PHF21B: variants seen among roughly 807,000 people sequenced by gnomAD.
PHF21B encodes the protein PHD finger protein 21B.
In PHF21B, 22 loss-of-function variants were observed where a neutral mutation model predicts 62.2. That is an observed-to-expected ratio of 0.35 (90% CI 0.25 to 0.51). The LOEUF (loss-of-function observed/expected upper bound fraction) is 0.51. Ranked by LOEUF, PHF21B falls within the 20% of genes least tolerant of loss-of-function variation. The pLI is 0.97. For missense variants in PHF21B, 701 were observed against 707.9 expected, an observed-to-expected ratio of 0.99 and a Z score of 0.11; for synonymous variants, 341 against 314.7, an observed-to-expected ratio of 1.08 and a Z score of -0.88.
At chr22:44,919,474 G>A (rs1210761047) in intron 3 of PHF21B, among the ~76,000 whole-genome samples, 1 of 152,224 alleles carries the variant, frequency 6.6e-6, no homozygotes, top group Non-Finnish European at 1.5e-5. Context: ...CAAAAGATTG[G>A]AAGATTGGCC....
intron 2 of PHF21B, among the ~76,000 whole-genome samples, chr22:44,943,999 G>A (rs1006039395): frequency 1.3e-5 from 2 of 152,194 alleles, no homozygotes; most frequent in African/African-American, 4.8e-5. Flanking sequence ...CCTGAGGGAA[G>A]GAACAGCGCT....
intron 2 of PHF21B, among the ~76,000 whole-genome samples, chr22:45,006,140 T>C (rs1176462491): frequency 3.9e-5 from 6 of 152,190 alleles, no homozygotes; most frequent in Middle Eastern, 3.2e-3. Context: ...GGCGGCTTTA[T>C]TAGCATGCTG....
At chr22:44,965,090 C>T (rs1301686966) in intron 2 of PHF21B, among the ~76,000 whole-genome samples, 2 of 152,140 alleles carry the variant, frequency 1.3e-5, no homozygotes, top group African/African-American at 2.4e-5. Flanking sequence ...GCGTGAACAC[C>T]GCAGCCACTC....
At position 44,977,126 on chromosome 22, in the gene PHF21B, AAAAG is replaced by A. The variant is rs1178145697; in HGVS notation, c.120+31415_120+31418del. On this transcript the variant is annotated intron_variant, in intron 2 of 12. Coordinates refer to ENST00000313237, the MANE Select transcript of PHF21B (RefSeq NM_138415.5). ...CAGAATGACACCCTGTCTCAAAAAG[AAAAG>A]AAAGAAAAAAACGAAGAAAGGAAAA... Among the ~76,000 whole-genome samples the A allele has an allele frequency of 3.3e-5, 5 of 151,586 alleles. No homozygotes were observed. The East Asian group carries it at 9.6e-4, about 29-fold the overall frequency.
At chr22:45,004,354 G>A (rs2073274859) in intron 2 of PHF21B, among the ~76,000 whole-genome samples, 2 of 152,190 alleles carry the variant, frequency 1.3e-5, no homozygotes, top group South Asian at 2.1e-4. Flanking sequence ...AAGGGATGGA[G>A]GGGTCCAGGA....
Position 44,984,299 on chromosome 22 carries a change from T to C in PHF21B, c.120+24246A>G, listed in dbSNP as rs377001662. Among the ~76,000 whole-genome samples the C allele has an allele frequency of 9.7e-4, 138 of 142,500 alleles. No homozygotes were observed. In the South Asian group the frequency reaches 0.012, roughly 12 times the overall value. The allele number at this position is 142,500 out of a possible 152,430, so 93.5% of individuals were successfully genotyped here. A position where few individuals can be genotyped will look rare whatever the true frequency, so the allele number is the denominator to read the frequency against. On this transcript the variant is annotated intron_variant, in intron 2 of 12. Coordinates refer to ENST00000313237, the MANE Select transcript of PHF21B (RefSeq NM_138415.5). ...ACCACCACCACCATCATCATCATCA[T>C]CACCACCACAAAAGGGCCAGTAAGA...
At chr22:44,904,289 A>ATT (rs150128832) in intron 5 of PHF21B, among the ~76,000 whole-genome samples, 3 of 150,440 alleles carry the variant, frequency 2.0e-5, no homozygotes, top group South Asian at 4.2e-4. Flanking sequence ...ACAAAACTGG[A>ATT]TTTTTTTTTT....
At chr22:44,884,518 C>T (rs2070814982) in intron 12 of PHF21B, among the ~76,000 whole-genome samples, 1 of 150,934 alleles carries the variant, frequency 6.6e-6, no homozygotes, top group South Asian at 2.1e-4. Context: ...ACCACCATCA[C>T]TGTGATCAGC....
intron 2 of PHF21B, among the ~76,000 whole-genome samples, chr22:44,959,841 C>T (rs2072381264): frequency 6.6e-6 from 1 of 152,188 alleles, no homozygotes; most frequent in African/African-American, 2.4e-5. Flanking sequence ...CCCAGGAGTT[C>T]AGGAGATGCA....
intron 2 of PHF21B, among the ~76,000 whole-genome samples, chr22:44,975,383 A>T (rs770634826): frequency 5.3e-5 from 8 of 151,788 alleles, no homozygotes; most frequent in African/African-American, 1.5e-4. Context: ...ACAGAGCCAT[A>T]AGAGGCCCCT....
chr22:44,989,977 G>A (rs910730840), intron 2 of PHF21B, among the ~76,000 whole-genome samples: 24 of 152,318 alleles, frequency 1.6e-4, no homozygotes, highest in African/African-American at 5.5e-4. Flanking sequence ...AATTCCTTTT[G>A]AGCACAGGCA....
At chr22:44,958,877 G>A (rs2072358963) in intron 2 of PHF21B, among the ~76,000 whole-genome samples, 1 of 152,064 alleles carries the variant, frequency 6.6e-6, no homozygotes, top group Non-Finnish European at 1.5e-5. Context: ...CTGACCTCTG[G>A]TGATCTGCCC....
intron 2 of PHF21B, among the ~76,000 whole-genome samples, chr22:44,991,896 A>T (rs1037087856): frequency 2.0e-5 from 3 of 152,256 alleles, no homozygotes; most frequent in Non-Finnish European, 4.4e-5. Flanking sequence ...TTCCAAAAAC[A>T]TATTTAGTAA....
chr22:44,910,913 T>C (rs1460119652), intron 5 of PHF21B, among the ~76,000 whole-genome samples: 1 of 152,228 alleles, frequency 6.6e-6, no homozygotes, highest in Non-Finnish European at 1.5e-5. Context: ...AGTTCAGAAC[T>C]TACTAGAGAT....
intron 2 of PHF21B, among the ~76,000 whole-genome samples, chr22:44,963,055 G>A (rs1212043445): frequency 6.6e-6 from 1 of 152,238 alleles, no homozygotes; most frequent in Admixed American, 6.5e-5. Context: ...TGAGGAAGCT[G>A]AGCTCTCTGG....
chr22:44,905,402 TG>T (rs2071230438), intron 5 of PHF21B, among the ~76,000 whole-genome samples: 2 of 152,226 alleles, frequency 1.3e-5, no homozygotes, highest in Non-Finnish European at 2.9e-5. Flanking sequence ...TTTATATCCT[TG>T]GTTTTTGTGC....
At chr22:44,957,940 T>C (rs2072334733) in intron 2 of PHF21B, among the ~76,000 whole-genome samples, 1 of 151,796 alleles carries the variant, frequency 6.6e-6, no homozygotes, top group Non-Finnish European at 1.5e-5. Context: ...TTCGCTCTTG[T>C]TGCCCAGGCT....
chr22:44,993,582 T>A (rs1385554629), intron 2 of PHF21B, among the ~76,000 whole-genome samples: 1 of 152,176 alleles, frequency 6.6e-6, no homozygotes, highest in African/African-American at 2.4e-5. Flanking sequence ...CACACACGCT[T>A]CTCCGCAAGG....
intron 3 of PHF21B, among the ~76,000 whole-genome samples, chr22:44,919,320 G>A (rs149324555): frequency 2.0e-5 from 3 of 152,316 alleles, no homozygotes; most frequent in East Asian, 1.9e-4. Context: ...CTTCGAATGC[G>A]GCTCAACACA....
Sources: allele counts gnomAD v4.1 joint callset (sites outside exome capture counted in the v4.1 genomes callset), GRCh38; gene constraint gnomAD v4.1.1; transcripts MANE v1.5; gene names NCBI Gene and HGNC (gene_info 2026-07-23, HGNC 2026-07-21).